The following CSMD1 variants were observed in gnomAD, a reference collection of about 807,000 sequenced individuals.
CSMD1 encodes the protein CUB and Sushi multiple domains 1, also known as CUB and sushi domain-containing protein 1.
A neutral mutation model predicts 417.5 loss-of-function variants in CSMD1; 213 were observed. That is an observed-to-expected ratio of 0.51 (90% CI 0.46 to 0.57). CSMD1 has a LOEUF of 0.57. CSMD1 is among the 20% of genes least tolerant of loss of function. CSMD1 has a pLI of 0.00. For synonymous variants in CSMD1, 2,862 were observed against 1,736.8 expected (o/e 1.65, Z -16.11); for missense variants, 6,923 against 4,529.7 (o/e 1.53, Z -15.17).
At chr8:3,007,739 G>C (rs949550929) in intron 52 of CSMD1, among the ~76,000 whole-genome samples, 6 of 144,640 alleles carry the variant, frequency 4.1e-5, no homozygotes, top group Non-Finnish European at 7.5e-5. Context: ...CATGGACACA[G>C]GAAGGGGAAC....
chr8:2,982,171 C>T (rs1805481261), intron 54 of CSMD1, among the ~76,000 whole-genome samples: 1 of 152,090 alleles, frequency 6.6e-6, no homozygotes, highest in African/African-American at 2.4e-5. Context: ...GCCTGGCCAA[C>T]ACGGCGAAAC....
At chr8:3,149,336 GAGA>G (rs1819050007) in intron 40 of CSMD1, among the ~76,000 whole-genome samples, 1 of 152,148 alleles carries the variant, frequency 6.6e-6, no homozygotes, top group Non-Finnish European at 1.5e-5. Flanking sequence ...AGTTAGTTTT[GAGA>G]AGAAGGTGAC....
chr8:4,966,474 A>T (rs1004475942), intron 1 of CSMD1, among the ~76,000 whole-genome samples: 1 of 152,164 alleles, frequency 6.6e-6, no homozygotes, highest in African/African-American at 2.4e-5. Flanking sequence ...TCACTTCCAG[A>T]TCTCAATGGG....
intron 42 of CSMD1, among the ~76,000 whole-genome samples, chr8:3,112,710 G>T (rs1440502241): frequency 2.6e-5 from 4 of 152,180 alleles, no homozygotes; most frequent in African/African-American, 7.2e-5. Flanking sequence ...ATTGAATAGT[G>T]ATGAAGAGAG....
intron 2 of CSMD1, among the ~76,000 whole-genome samples, chr8:4,565,485 C>G (rs1176079743): frequency 6.6e-6 from 1 of 151,890 alleles, no homozygotes; most frequent in East Asian, 1.9e-4. Context: ...CACCTGTAAT[C>G]CCAGCACTTA....
At chr8:3,786,036 A>G (rs1457653568) in intron 5 of CSMD1, among the ~76,000 whole-genome samples, 2 of 152,010 alleles carry the variant, frequency 1.3e-5, no homozygotes, top group Non-Finnish European at 2.9e-5. Flanking sequence ...AATTAGAAGG[A>G]CGGAAGAAGT....
At chr8:3,925,742 C>A (rs1809612663) in intron 5 of CSMD1, among the ~76,000 whole-genome samples, 1 of 152,058 alleles carries the variant, frequency 6.6e-6, no homozygotes, top group Admixed American at 6.6e-5. Flanking sequence ...GAGGCCTCCC[C>A]AGCCATGTGG....
intron 52 of CSMD1, among the ~76,000 whole-genome samples, chr8:3,017,494 A>G (rs1808944482): frequency 6.6e-6 from 1 of 152,190 alleles, no homozygotes; most frequent in Admixed American, 6.5e-5. Context: ...AATGCACTAA[A>G]TATATTACAT....
intron 45 of CSMD1, 111 bp downstream of exon 45, chr8:3,107,607 T>TGTTTTC (rs1816234644): frequency 1.5e-6 from 1 of 679,338 alleles, no homozygotes; most frequent in Non-Finnish European, 2.6e-6. Flanking sequence ...TTTCTGTTTT[T>TGTTTTC]GTTTCTCTGA....
chr8:3,317,645 C>T (rs1435875939), intron 23 of CSMD1, among the ~76,000 whole-genome samples: 1 of 152,130 alleles, frequency 6.6e-6, no homozygotes, highest in African/African-American at 2.4e-5. Flanking sequence ...CTCCTTTTGT[C>T]AGGTAGAACC....
chr8:3,120,728 T>A (rs980747870), intron 41 of CSMD1, among the ~76,000 whole-genome samples: 1 of 151,742 alleles, frequency 6.6e-6, no homozygotes, highest in Non-Finnish European at 1.5e-5. Context: ...GCACCTGTAA[T>A]CCCAGCTACT....
intron 1 of CSMD1, among the ~76,000 whole-genome samples, chr8:4,937,181 A>C (rs10109826): frequency 0.24 from 37,155 of 151,990 alleles, 4,642 homozygotes; most frequent in East Asian, 0.38. Flanking sequence ...AGACTGCATT[A>C]CAGCCTGAGC....
At chr8:4,043,962 A>G (rs972186313) in intron 3 of CSMD1, among the ~76,000 whole-genome samples, 6 of 152,200 alleles carry the variant, frequency 3.9e-5, no homozygotes, top group Non-Finnish European at 7.3e-5. Flanking sequence ...TTGTGTTGAT[A>G]TAATTGAAAT....
intron 3 of CSMD1, among the ~76,000 whole-genome samples, chr8:4,144,630 G>C (rs558364740): frequency 6.6e-6 from 1 of 150,922 alleles, no homozygotes; most frequent in Non-Finnish European, 1.5e-5. Flanking sequence ...TTGTTTGTCT[G>C]GAGCTTCTTT....
chr8:4,509,152 G>A (rs1332650980), intron 2 of CSMD1, among the ~76,000 whole-genome samples: 1 of 152,138 alleles, frequency 6.6e-6, no homozygotes, highest in Non-Finnish European at 1.5e-5. Flanking sequence ...ACCTTTTAGG[G>A]AGAATTGAAG....
chr8:2,949,942 A>G (rs1802510954), intron 67 of CSMD1, among the ~76,000 whole-genome samples: 1 of 152,194 alleles, frequency 6.6e-6, no homozygotes, highest in Admixed American at 6.6e-5. Flanking sequence ...CTCACGATAT[A>G]ACGTAGCAGT....
intron 3 of CSMD1, among the ~76,000 whole-genome samples, chr8:4,137,753 A>C (rs934396329): frequency 1.3e-5 from 1 of 78,704 alleles, no homozygotes; most frequent in African/African-American, 2.9e-5. Context: ...ATAAAATTAC[A>C]CTTTCCTAAA....
intron 3 of CSMD1, among the ~76,000 whole-genome samples, chr8:4,204,815 C>T (rs1324835568): frequency 6.8e-6 from 1 of 146,666 alleles, no homozygotes; most frequent in Non-Finnish European, 1.5e-5. Flanking sequence ...TCAGCACACA[C>T]AGCTAACTTT....
At chr8:4,450,898 A>C (rs150186970) in intron 2 of CSMD1, among the ~76,000 whole-genome samples, 229 of 152,332 alleles carry the variant, frequency 1.5e-3, no homozygotes, top group African/African-American at 4.7e-3. Flanking sequence ...GCTAATATAA[A>C]AATTAAAATT....
Sources: allele counts gnomAD v4.1 joint callset (sites outside exome capture counted in the v4.1 genomes callset), GRCh38; gene constraint gnomAD v4.1.1; transcripts MANE v1.5; gene names NCBI Gene and HGNC (gene_info 2026-07-23, HGNC 2026-07-21).